Variants in HEATR4 observed in about 807,000 individuals in gnomAD.
HEATR4 encodes the protein HEAT repeat-containing protein 4.
Under a neutral mutation model 108.8 loss-of-function variants are expected in HEATR4, and 95 were observed. The observed-to-expected ratio is 0.87, with a 90% CI of 0.74 to 1.04. The LOEUF is 1.04. Among genes scored for constraint, HEATR4 ranks in the 50% least tolerant of loss-of-function variants. HEATR4 has a pLI of 0.00. For missense variants in HEATR4, 1,152 were observed against 1,253.8 expected (o/e 0.92, Z 1.23); for synonymous variants, 443 against 459.4 (o/e 0.96, Z 0.46).
chr14:73,586,336 G>A, the HEATR4 span, among the ~76,000 whole-genome samples: 12 of 151,924 alleles, frequency 7.9e-5, no homozygotes, highest in Non-Finnish European at 1.5e-4. Context: ...AGAGTTTGCC[G>A]TGAGCCGAGA....
Position 73,492,167 on chromosome 14 carries a change from G to A in HEATR4, c.2844+899C>T, listed in dbSNP as rs1647936236. On this transcript the variant is annotated intron_variant, in intron 17 of 17. Coordinates refer to ENST00000553558, the MANE Select transcript of HEATR4 (RefSeq NM_001220484.1). The surrounding 1 kb of genome is among the most constrained non-coding windows in gnomAD (Gnocchi z 4.9). ...CAACTTCAGTCAGGACGACCTCGGT[G>A]AGCCGGTGCTGCAGACCGTGCTGGA... 16 of 1,613,988 alleles carry A rather than the reference G, an allele frequency of 9.9e-6. No homozygotes were observed. The highest frequency in any genetic ancestry group is 1.4e-5 in the Non-Finnish European group (16 of 1,179,898).
In HEATR4 at chr14:73,495,402, A is replaced by G; in HGVS notation, c.2626-15T>C. ...AGTGTTTTAATCTAAATTAGAACAA[A>G]TAATGTTTGAAAAACAAAACAAAAC... On this transcript the variant is annotated splice_polypyrimidine_tract_variant and intron_variant, in intron 15 of 17. Coordinates refer to ENST00000553558, the MANE Select transcript of HEATR4 (RefSeq NM_001220484.1). The G allele has an allele frequency of 6.2e-7, 1 of 1,605,012 alleles. No individual in the cohort carries two copies.
In HEATR4 at chr14:73,508,179, A is replaced by G; in HGVS notation, c.1836T>C (p.Thr612=). The G allele has an allele frequency of 2.5e-6, 4 of 1,614,114 alleles. No individual in the cohort carries two copies. The highest frequency in any genetic ancestry group is 2.2e-5 in the East Asian group (1 of 44,874). The part of the protein sequence containing the change: ...HQLFTKKNED[T]EEQSYILLSY... ...TCAGGAGGATATAAGACTGTTCCTCAGTGTCCTCATTCTTCTTTGTAAACA... is the reference window on the plus strand; with the variant it reads ...TCAGGAGGATATAAGACTGTTCCTCGGTGTCCTCATTCTTCTTTGTAAACA... The change falls in exon 9 of 18, where the codon ACT becomes ACC. Residue 612 remains threonine, a synonymous_variant. Transcript: ENST00000553558.
At chr14:73,615,623 G>A in the HEATR4 span, among the ~76,000 whole-genome samples, 15 of 150,906 alleles carry the variant, frequency 9.9e-5, no homozygotes, top group African/African-American at 2.9e-4. Flanking sequence ...CCAACTACTC[G>A]GGAGGCTGAG....
chr14:73,493,547 G>C (rs1432732634), intron 16 of HEATR4, among the ~76,000 whole-genome samples: 1 of 152,064 alleles, frequency 6.6e-6, no homozygotes, highest in African/African-American at 2.4e-5. Context: ...TCTTAAGGAA[G>C]AGACTCTCAG....
intron 1 of HEATR4, among the ~76,000 whole-genome samples, chr14:73,548,660 A>G (rs1255419530): frequency 8.7e-6 from 1 of 115,478 alleles, no homozygotes; most frequent in African/African-American, 2.8e-5. Context: ...AGATGAAAGG[A>G]AACTCATATG....
chr14:73,614,063 T>A, the HEATR4 span, among the ~76,000 whole-genome samples: 1 of 144,736 alleles, frequency 6.9e-6, no homozygotes. Context: ...TAGGCAGGCA[T>A]GGTGGTGCAT....
the HEATR4 span, chr14:73,592,372 C>A: frequency 1.3e-6 from 2 of 1,570,112 alleles, no homozygotes; most frequent in Non-Finnish European, 8.6e-7. Context: ...CGGCGCCAGT[C>A]GGTGCGAGCG....
intron 2 of HEATR4, chr14:73,528,897 G>C (rs1296137077): frequency 1.3e-5 from 2 of 152,206 alleles, no homozygotes; most frequent in Non-Finnish European, 2.9e-5. Context: ...GGTGCTTAGA[G>C]AAGGAAGAAA....
At chr14:73,495,066 A>C (rs1360240701) in intron 16 of HEATR4, among the ~76,000 whole-genome samples, 162 bp downstream of exon 16, 5 of 152,156 alleles carry the variant, frequency 3.3e-5, no homozygotes, top group African/African-American at 7.2e-5. Context: ...ACAAACAAAA[A>C]AAAAACACAA....
chr14:73,491,390 G>A (rs771429648), intron 17 of HEATR4: 1 of 1,348,536 alleles, frequency 7.4e-7, no homozygotes. Flanking sequence ...CCTGGTGCCC[G>A]CTTCCGCGCC....
the HEATR4 span, among the ~76,000 whole-genome samples, chr14:73,608,391 C>A: frequency 6.6e-6 from 1 of 152,188 alleles, no homozygotes; most frequent in African/African-American, 2.4e-5. Context: ...AAAATGCCAC[C>A]AGCCTCTTTG....
chr14:73,602,402 G>C, the HEATR4 span, among the ~76,000 whole-genome samples: 1 of 152,124 alleles, frequency 6.6e-6, no homozygotes, highest in Non-Finnish European at 1.5e-5. Flanking sequence ...TCCTGGTGCC[G>C]AGCTCCTTGA....
the HEATR4 span, chr14:73,569,148 C>G: frequency 6.8e-7 from 1 of 1,459,986 alleles, no homozygotes; most frequent in Non-Finnish European, 9.4e-7. Flanking sequence ...TATATTTGGT[C>G]TGGCTGATCG....
chr14:73,576,812 A>G, the HEATR4 span, among the ~76,000 whole-genome samples: 1 of 148,724 alleles, frequency 6.7e-6, no homozygotes, highest in African/African-American at 2.5e-5. Context: ...AAAAAAAAAA[A>G]AAAAAAAAGA....
the HEATR4 span, among the ~76,000 whole-genome samples, chr14:73,570,481 A>G: frequency 6.6e-6 from 1 of 151,974 alleles, no homozygotes; most frequent in Non-Finnish European, 1.5e-5. Flanking sequence ...AGGCAGGAGA[A>G]TGGTGTGAAC....
At chr14:73,629,019 C>T in the HEATR4 span, among the ~76,000 whole-genome samples, 1 of 149,460 alleles carries the variant, frequency 6.7e-6, no homozygotes, top group Non-Finnish European at 1.5e-5. Context: ...AACGCCACTG[C>T]ACTTCAGCCT....
chr14:73,529,655 G>A (rs1888586018), intron 2 of HEATR4, among the ~76,000 whole-genome samples: 1 of 152,146 alleles, frequency 6.6e-6, no homozygotes, highest in Admixed American at 6.5e-5. Context: ...CTACTTTTCT[G>A]TTTGCTTATC....
At chr14:73,568,764 G>A in the HEATR4 span, among the ~76,000 whole-genome samples, 1 of 152,052 alleles carries the variant, frequency 6.6e-6, no homozygotes, top group Non-Finnish European at 1.5e-5. Context: ...CACTTGTAAG[G>A]AATGAAGCTC....
Sources: gnomAD v4.1 joint callset for allele counts (sites outside exome capture counted in the v4.1 genomes callset) on GRCh38, gnomAD v4.1.1 for gene constraint, Gnocchi (gnomAD v3.1) non-coding constraint, MANE v1.5 for transcripts, NCBI Gene and HGNC (gene_info 2026-07-23, HGNC 2026-07-21) for gene names.